The following GALNTL6 variants were observed in gnomAD, a reference collection of about 807,000 sequenced individuals.
The protein encoded by GALNTL6 is polypeptide N-acetylgalactosaminyltransferase like 6.
In GALNTL6, 46 loss-of-function variants were observed where a neutral mutation model predicts 73.7. The observed-to-expected ratio is 0.62, with a 90% CI of 0.49 to 0.80. GALNTL6 has a LOEUF of 0.80. Among genes scored for constraint, GALNTL6 ranks in the 30% least tolerant of loss-of-function variants. The probability of loss-of-function intolerance (pLI) is 0.00; values close to 1 mark genes in which losing one functional copy is unlikely to be tolerated. For synonymous variants in GALNTL6, 259 were observed against 263.7 expected (o/e 0.98, Z 0.17); for missense variants, 604 against 755.0 (o/e 0.80, Z 2.34).
chr4:172,896,127 C>T (rs370763294), intron 8 of GALNTL6, among the ~76,000 whole-genome samples: 23 of 152,256 alleles, frequency 1.5e-4, no homozygotes, highest in African/African-American at 5.5e-4. Flanking sequence ...CCTCTGGTAC[C>T]TTACTTTGTT....
intron 5 of GALNTL6, among the ~76,000 whole-genome samples, chr4:172,514,468 G>T (rs989900010): frequency 6.6e-6 from 1 of 152,174 alleles, no homozygotes; most frequent in African/African-American, 2.4e-5. Flanking sequence ...CAGGCAGCCA[G>T]CGAGCAGGGC....
chr4:172,771,956 A>G (rs1467833680), intron 5 of GALNTL6, among the ~76,000 whole-genome samples: 1 of 152,078 alleles, frequency 6.6e-6, no homozygotes, highest in African/African-American at 2.4e-5. Context: ...CATACCCGAG[A>G]TTGGGCAATT....
intron 5 of GALNTL6, among the ~76,000 whole-genome samples, chr4:172,702,070 A>C (rs1208351279): frequency 1.3e-5 from 2 of 152,092 alleles, no homozygotes; most frequent in Non-Finnish European, 2.9e-5. Flanking sequence ...ATAAATAATG[A>C]AATGATCAAG....
At position 172,846,463 on chromosome 4, in the gene GALNTL6, A is replaced by G. The variant is rs528044616; in HGVS notation, c.923+32740A>G. 2.0e-5 allele frequency among the ~76,000 whole-genome samples: 3 copies of G among 152,326 alleles called. No homozygotes were observed. In the South Asian group the frequency reaches 6.2e-4, roughly 32 times the overall value. ...ACAGAACATAACCATATGCCTTTTGAATACTTTCCAAGATAAATTCTCAAA... is the reference window on the plus strand; with the variant it reads ...ACAGAACATAACCATATGCCTTTTGGATACTTTCCAAGATAAATTCTCAAA... On this transcript the variant is annotated intron_variant, in intron 7 of 12. Coordinates refer to ENST00000506823, the MANE Select transcript of GALNTL6 (RefSeq NM_001034845.3).
chr4:172,311,509 G>T, intron 3 of GALNTL6, 105 bp from the exon 4 acceptor site: 1 of 843,974 alleles, frequency 1.2e-6, no homozygotes, highest in East Asian at 2.8e-5. Context: ...TCCTTCTGCA[G>T]AGCACAGCAA....
At chr4:172,583,365 T>A (rs1262266520) in intron 5 of GALNTL6, among the ~76,000 whole-genome samples, 1 of 152,230 alleles carries the variant, frequency 6.6e-6, no homozygotes, top group East Asian at 1.9e-4. Flanking sequence ...TATTTTTTAA[T>A]AAACATTGAG....
intron 5 of GALNTL6, among the ~76,000 whole-genome samples, chr4:172,720,475 T>C (rs1234880842): frequency 6.6e-6 from 1 of 151,946 alleles, no homozygotes; most frequent in Non-Finnish European, 1.5e-5. Flanking sequence ...TTCTCCAGGT[T>C]CCCCCCTCCC....
intron 5 of GALNTL6, among the ~76,000 whole-genome samples, chr4:172,603,954 A>G (rs1039819868): frequency 4.6e-5 from 7 of 152,188 alleles, no homozygotes; most frequent in African/African-American, 2.4e-5. Context: ...TCCCAAACTC[A>G]CTGAAAATCT....
intron 5 of GALNTL6, among the ~76,000 whole-genome samples, chr4:172,790,303 G>A (rs1739921330): frequency 6.6e-6 from 1 of 152,208 alleles, no homozygotes; most frequent in Admixed American, 6.5e-5. Context: ...TAACCCCAAT[G>A]TGACTGTACT....
chr4:171,853,012 A>ATTTTTTTTTTT (rs765984611), intron 2 of GALNTL6, among the ~76,000 whole-genome samples: 422 of 86,790 alleles, frequency 4.9e-3, no homozygotes, highest in African/African-American at 0.011. Flanking sequence ...CGCCCGGCTA[A>ATTTTTTTTTTT]TTTTTTTTTT....
intron 5 of GALNTL6, among the ~76,000 whole-genome samples, chr4:172,694,809 G>A (rs1579350401): frequency 6.6e-6 from 1 of 152,100 alleles, no homozygotes; most frequent in African/African-American, 2.4e-5. Context: ...ATAACCATGG[G>A]CTTATTAAAG....
intron 2 of GALNTL6, among the ~76,000 whole-genome samples, chr4:172,205,077 A>G (rs904357043): frequency 6.6e-6 from 1 of 152,236 alleles, no homozygotes; most frequent in Non-Finnish European, 1.5e-5. Context: ...CAGCTAATTA[A>G]GAACCCCTAG....
chr4:172,644,791 T>A (rs560644447), intron 5 of GALNTL6, among the ~76,000 whole-genome samples: 1 of 152,062 alleles, frequency 6.6e-6, no homozygotes, highest in East Asian at 1.9e-4. Flanking sequence ...TTGTTTAGGC[T>A]TACAAGATAC....
chr4:171,840,360 C>T (rs958053951), intron 2 of GALNTL6, among the ~76,000 whole-genome samples: 8 of 152,030 alleles, frequency 5.3e-5, no homozygotes, highest in Admixed American at 2.6e-4. Flanking sequence ...CAGCATCTCA[C>T]AGTCATACAT....
At chr4:172,332,287 A>G (rs1157176788) in intron 4 of GALNTL6, among the ~76,000 whole-genome samples, 5 of 152,116 alleles carry the variant, frequency 3.3e-5, no homozygotes, top group African/African-American at 1.2e-4. Context: ...TGCTACATAT[A>G]TATAAGGCAT....
intron 2 of GALNTL6, among the ~76,000 whole-genome samples, chr4:172,072,841 T>A (rs1186671738): frequency 6.6e-6 from 1 of 152,236 alleles, no homozygotes; most frequent in Non-Finnish European, 1.5e-5. Context: ...TTCTTTTTCC[T>A]ATGCAGTCTA....
intron 4 of GALNTL6, among the ~76,000 whole-genome samples, chr4:172,313,823 C>T (rs1208264448): frequency 2.6e-5 from 4 of 152,068 alleles, no homozygotes; most frequent in Non-Finnish European, 4.4e-5. Context: ...ACAACAGCAA[C>T]AAAAACCTTG....
chr4:172,627,331 C>T (rs1006044559), intron 5 of GALNTL6, among the ~76,000 whole-genome samples: 5 of 152,142 alleles, frequency 3.3e-5, no homozygotes, highest in Admixed American at 1.3e-4. Flanking sequence ...CCCAGCATCC[C>T]AGTAATCAAG....
At position 172,709,560 on chromosome 4, in the gene GALNTL6, T is replaced by C. The variant is rs563335867; in HGVS notation, c.554-99801T>C. Among the ~76,000 whole-genome samples the C allele has an allele frequency of 2.0e-5, 3 of 152,234 alleles. No individual in the cohort carries two copies. The East Asian group carries it at 5.8e-4, about 29-fold the overall frequency. On this transcript the variant is annotated intron_variant, in intron 5 of 12. Transcript: ENST00000506823. ...GTTCAGAGACTGTCAGCAGGTGAGC[T>C]TTGTTTTTGATGTGTTTATTCTCTG...
Sources: allele counts gnomAD v4.1 joint callset (sites outside exome capture counted in the v4.1 genomes callset), GRCh38; gene constraint gnomAD v4.1.1; transcripts MANE v1.5; gene names NCBI Gene and HGNC (gene_info 2026-07-23, HGNC 2026-07-21).